Variants in PTRH1 observed in about 807,000 individuals in gnomAD.
PTRH1 encodes peptidyl-tRNA hydrolase.
Under a neutral mutation model 15.7 loss-of-function variants are expected in PTRH1, and 13 were observed. The ratio of observed to expected loss-of-function variants is 0.83; its 90% CI spans 0.54 to 1.31. PTRH1 has a LOEUF of 1.31. PTRH1 is among the 40% of genes most tolerant of loss of function. The probability of loss-of-function intolerance (pLI) is 0.00; values close to 1 mark genes in which losing one functional copy is unlikely to be tolerated. For synonymous variants in PTRH1, 139 were observed against 136.7 expected (o/e 1.02, Z -0.12); for missense variants, 319 against 296.2 (o/e 1.08, Z -0.56).
At position 127,713,834 on chromosome 9, in the gene PTRH1, A is replaced by T; in HGVS notation, c.*266T>A. ...CAAGCCAGCATCTTTAATCTTACAG[A>T]TGCGTGCCCCTGGTTCTCTAAAAAG... On this transcript the variant is annotated 3_prime_UTR_variant, in exon 5 of 5. Transcript: ENST00000543175. The T allele has an allele frequency of 6.2e-7, 1 of 1,613,666 alleles. No homozygotes were observed. Among genetic ancestry groups the T allele is most frequent in the Non-Finnish European group, 8.5e-7 (1 of 1,179,886 alleles).
downstream of PTRH1, chr9:127,712,807 G>A: frequency 6.2e-7 from 1 of 1,614,168 alleles, no homozygotes; most frequent in Non-Finnish European, 8.5e-7. Flanking sequence ...GCTCCACTGT[G>A]GCCACGAGAC....
At chr9:127,697,271 A>C (rs1438386520) in intron 1 of PTRH1, among the ~76,000 whole-genome samples, 2 of 152,240 alleles carry the variant, frequency 1.3e-5, no homozygotes, top group Non-Finnish European at 2.9e-5. Flanking sequence ...CCATTGCTCA[A>C]GGTTGGGAAG....
At position 127,715,119 on chromosome 9, in the gene PTRH1, G is replaced by C; in HGVS notation, c.172C>G (p.Arg58Gly). ...CAACTCTCCGCCACACCCAGCCGCC[G>C]CGCCAGCTGCCCCAGCACCGCCATG... is the stretch of plus-strand genomic sequence containing the variant. ...VGMAVLGQLA[R>G]RLGVAESWTR... The change falls in exon 2 of 5, where the codon CGG becomes GGG. Residue 58 changes from arginine to glycine, a missense_variant. Arg to Gly is a moderately radical substitution (Grantham distance 125, BLOSUM62 -2). Transcript: ENST00000543175. This position sits in a 1 kb window ranked among gnomAD's most constrained non-coding sequence, Gnocchi z 5.8. 1 of 1,534,886 alleles carries C rather than the reference G, an allele frequency of 6.5e-7. No individual in the cohort carries two copies. Among genetic ancestry groups the C allele is most frequent in the Non-Finnish European group, 8.7e-7 (1 of 1,146,320 alleles).
chr9:127,707,204 G>A (rs1256630774), intron 1 of PTRH1: 1 of 1,607,744 alleles, frequency 6.2e-7, no homozygotes, highest in East Asian at 2.2e-5. Context: ...TGCGTGGGCT[G>A]GCGGGCAGGA....
chr9:127,713,716 A>G, downstream of PTRH1: 2 of 768,498 alleles, frequency 2.6e-6, no homozygotes, highest in Non-Finnish European at 2.3e-6. Context: ...CATGTTGGCC[A>G]GGCTGGTCTC....
chr9:127,709,446 G>C (rs376888376), downstream of PTRH1: 2 of 1,613,748 alleles, frequency 1.2e-6, no homozygotes, highest in South Asian at 1.1e-5. The surrounding 1 kb of genome is among the most constrained non-coding windows in gnomAD (Gnocchi z 4.7). Context: ...GGGATGAGCT[G>C]GCTGTGCAGG....
rs1167860995 is a variant in PTRH1 at position 127,713,879 on chromosome 9, C to T, written c.*221G>A. 3 of 1,613,848 alleles carry T rather than the reference C, an allele frequency of 1.9e-6. No homozygotes were observed. The highest frequency in any genetic ancestry group is 2.5e-6 in the Non-Finnish European group (3 of 1,179,990). On this transcript the variant is annotated 3_prime_UTR_variant, in exon 5 of 5. Coordinates refer to ENST00000543175, the MANE Select transcript of PTRH1 (RefSeq NM_001002913.3). ...AAAAAGGCTTGAAAAGTTTAGTCTT[C>T]CTGAAGTTCCCCTACGTCCCAAGTA...
At chr9:127,710,710 C>G, downstream of PTRH1, 1 of 1,573,472 alleles carries the variant, frequency 6.4e-7, no homozygotes, top group Non-Finnish European at 8.6e-7. Context: ...AGTTCAGGGA[C>G]TATGCATACA....
At chr9:127,706,287 C>T (rs1346089785) in intron 1 of PTRH1, among the ~76,000 whole-genome samples, 1 of 152,184 alleles carries the variant, frequency 6.6e-6, no homozygotes, top group Non-Finnish European at 1.5e-5. Flanking sequence ...CCTCATCCCC[C>T]TGCCCCTGCC....
downstream of PTRH1, chr9:127,712,569 A>G (rs1842790925): frequency 6.5e-7 from 1 of 1,550,354 alleles, no homozygotes; most frequent in Non-Finnish European, 8.7e-7. Context: ...CTTGGGCCTC[A>G]GTCTTCCCGA....
At chr9:127,709,069 CA>C (rs1351812941), downstream of PTRH1, among the ~76,000 whole-genome samples, 1 of 152,204 alleles carries the variant, frequency 6.6e-6, no homozygotes, top group Non-Finnish European at 1.5e-5. This position sits in a 1 kb window ranked among gnomAD's most constrained non-coding sequence, Gnocchi z 4.7. Flanking sequence ...GGTATAAAAT[CA>C]TCATAGTACC....
rs1464043064 is a variant in PTRH1 at position 127,714,299 on chromosome 9, G to C, written c.463-17C>G. On this transcript the variant is annotated splice_polypyrimidine_tract_variant and intron_variant, in intron 4 of 4. Coordinates refer to ENST00000543175, the MANE Select transcript of PTRH1 (RefSeq NM_001002913.3). ...TGGCATTGCCTGTGGGAGAGCCAGA[G>C]AGGCCCAGGAAGCTTTGGCGAGGTG... 1 of 1,614,048 alleles carries C rather than the reference G, an allele frequency of 6.2e-7. No individual in the cohort carries two copies. Among genetic ancestry groups the C allele is most frequent in the Admixed American group, 1.7e-5 (1 of 60,030 alleles).
intron 1 of PTRH1, chr9:127,695,408 A>G: frequency 2.3e-6 from 1 of 433,468 alleles, no homozygotes; most frequent in Non-Finnish European, 4.1e-6. Flanking sequence ...TGATCAACTC[A>G]GTATCCTGGA....
At chr9:127,710,692 G>A (rs1441748016), downstream of PTRH1, 5 of 1,577,078 alleles carry the variant, frequency 3.2e-6, no homozygotes, top group Admixed American at 9.3e-5. Context: ...TGCGGAAGCA[G>A]GAGAATGAGT....
chr9:127,707,107 G>T (rs749561464), intron 1 of PTRH1: 1 of 1,613,904 alleles, frequency 6.2e-7, no homozygotes, highest in Non-Finnish European at 8.5e-7. Context: ...GAAGGAGCCG[G>T]TGGTGGCCGT....
downstream of PTRH1, chr9:127,709,427 A>T (rs750157959): frequency 6.2e-7 from 1 of 1,613,080 alleles, no homozygotes; most frequent in South Asian, 1.1e-5. This position sits in a 1 kb window ranked among gnomAD's most constrained non-coding sequence, Gnocchi z 4.7. Context: ...CCCAGGTACC[A>T]GCGGAAGTGG....
Position 127,714,179 on chromosome 9 carries a change from G to GGCA in PTRH1, c.563_565dup (p.Leu188dup). On this transcript the variant is annotated inframe_insertion, in exon 5 of 5. Transcript: ENST00000543175. Reference sequence around the variant, plus strand: ...GTCGGTGGCTCGATCCAGCAACAGAGGCAGCAGCTCCTGCTCAGCAGGGGA... The same window carrying GGCA: ...GTCGGTGGCTCGATCCAGCAACAGAGGCAGCAGCAGCTCCTGCTCAGCAGGGGA... The GGCA allele has an allele frequency of 6.2e-7, 1 of 1,613,924 alleles. No homozygotes were observed.
At chr9:127,709,395 T>C (rs371617982), downstream of PTRH1, 207 of 1,607,308 alleles carry the variant, frequency 1.3e-4, no homozygotes, top group African/African-American at 2.2e-3. The surrounding 1 kb of genome is among the most constrained non-coding windows in gnomAD (Gnocchi z 4.7). Flanking sequence ...GCCTGACCCC[T>C]GGACCACGGC....
intron 1 of PTRH1, chr9:127,706,982 G>GT: frequency 2.5e-6 from 4 of 1,599,992 alleles, no homozygotes; most frequent in Non-Finnish European, 3.4e-6. Context: ...AGCTTCCTTA[G>GT]CAACCACCTG....
Sources: allele counts gnomAD v4.1 joint callset (sites outside exome capture counted in the v4.1 genomes callset), GRCh38; gene constraint gnomAD v4.1.1; non-coding constraint Gnocchi (gnomAD v3.1); transcripts MANE v1.5; gene names NCBI Gene and HGNC (gene_info 2026-07-23, HGNC 2026-07-21).